Variants in RALYL observed in about 807,000 individuals in gnomAD.
RALYL encodes RALY RNA binding protein like.
A neutral mutation model predicts 35.1 loss-of-function variants in RALYL; 29 were observed. The ratio of observed to expected loss-of-function variants is 0.83; its 90% CI spans 0.61 to 1.13. The LOEUF is 1.13. Ranked by LOEUF, RALYL falls within the 50% of genes most tolerant of loss-of-function variation. The pLI is 0.00. For missense variants in RALYL, 359 were observed against 360.4 expected (o/e 1.00, Z 0.03); for synonymous variants, 120 against 127.6 (o/e 0.94, Z 0.40).
chr8:84,590,877 C>T (rs1443649828), intron 2 of RALYL, among the ~76,000 whole-genome samples: 2 of 151,926 alleles, frequency 1.3e-5, no homozygotes, highest in Non-Finnish European at 1.5e-5. Flanking sequence ...TTTTTTTTCA[C>T]TTATGTAACC....
intron 1 of RALYL, among the ~76,000 whole-genome samples, chr8:84,322,965 T>C (rs985094051): frequency 1.3e-5 from 2 of 152,088 alleles, no homozygotes; most frequent in African/African-American, 4.8e-5. Context: ...CACAAGTATA[T>C]ATTATTCTTG....
At chr8:84,303,272 G>C (rs1193915668) in intron 1 of RALYL, among the ~76,000 whole-genome samples, 1 of 152,202 alleles carries the variant, frequency 6.6e-6, no homozygotes, top group Non-Finnish European at 1.5e-5. Flanking sequence ...GTATTTCGGT[G>C]AGTTGGATAA....
intron 8 of RALYL, among the ~76,000 whole-genome samples, chr8:84,892,593 G>C (rs1844045225): frequency 1.4e-5 from 2 of 143,970 alleles, no homozygotes; most frequent in South Asian, 4.3e-4. Flanking sequence ...CTGGGCAACA[G>C]AGCAAAAACT....
chr8:84,423,701 C>A (rs1397841289), intron 1 of RALYL, among the ~76,000 whole-genome samples: 1 of 151,622 alleles, frequency 6.6e-6, no homozygotes, highest in Non-Finnish European at 1.5e-5. Context: ...TTGTTCCTTT[C>A]CATGTTTAGT....
intron 8 of RALYL, among the ~76,000 whole-genome samples, chr8:84,903,521 C>T (rs1846028504): frequency 6.6e-6 from 1 of 152,138 alleles, no homozygotes; most frequent in Admixed American, 6.5e-5. Context: ...ACTGAACACA[C>T]ACACATATGA....
chr8:84,552,487 A>T (rs951643824), intron 2 of RALYL, among the ~76,000 whole-genome samples: 2 of 149,010 alleles, frequency 1.3e-5, no homozygotes, highest in Non-Finnish European at 3.0e-5. Context: ...TCATATACAC[A>T]CTTATTGCTT....
At chr8:84,623,896 C>T (rs951700706) in intron 2 of RALYL, among the ~76,000 whole-genome samples, 6 of 152,134 alleles carry the variant, frequency 3.9e-5, no homozygotes, top group East Asian at 1.9e-4. Context: ...CCATCATGAA[C>T]GTGGAAAGTC....
rs534046817 is a variant in RALYL, at chr8:84,525,217, A to C, written c.-23-4082A>C. 3.3e-5 allele frequency among the ~76,000 whole-genome samples: 5 copies of C among 152,086 alleles called. No homozygotes were observed. The South Asian group carries it at 1.0e-3, about 32-fold the overall frequency. On this transcript the variant is annotated intron_variant, in intron 1 of 8. Coordinates refer to ENST00000521268, the MANE Select transcript of RALYL (RefSeq NM_173848.7). ...TAGTTTACAGTTTATCTTTTATTTT[A>C]CAGGAGTTTTCATAGATAGACACTT...
At chr8:84,438,863 TGTCA>T (rs2048023981) in intron 1 of RALYL, among the ~76,000 whole-genome samples, 2 of 152,166 alleles carry the variant, frequency 1.3e-5, no homozygotes, top group Admixed American at 1.3e-4. Flanking sequence ...TGCTTGTTTT[TGTCA>T]GTTTCGTCAA....
chr8:84,307,077 G>C (rs894764632), intron 1 of RALYL, among the ~76,000 whole-genome samples: 5 of 152,120 alleles, frequency 3.3e-5, no homozygotes, highest in Non-Finnish European at 7.4e-5. Flanking sequence ...AGGCTTGAGG[G>C]TTCCAGTGGT....
At chr8:84,430,869 T>C (rs1470741778) in intron 1 of RALYL, among the ~76,000 whole-genome samples, 1 of 152,142 alleles carries the variant, frequency 6.6e-6, no homozygotes, top group Non-Finnish European at 1.5e-5. Flanking sequence ...TTCTCACTGC[T>C]TATTTAGATG....
At chr8:84,218,774 C>G (rs922327088) in intron 1 of RALYL, among the ~76,000 whole-genome samples, 1 of 151,974 alleles carries the variant, frequency 6.6e-6, no homozygotes, top group Non-Finnish European at 1.5e-5. Context: ...TTTCCAAAGC[C>G]CTGAGGGCAT....
chr8:84,450,650 A>G (rs1382269120), intron 1 of RALYL, among the ~76,000 whole-genome samples: 1 of 152,044 alleles, frequency 6.6e-6, no homozygotes, highest in Non-Finnish European at 1.5e-5. Context: ...GAAGACCTAT[A>G]AAAGAGCAAA....
intron 1 of RALYL, among the ~76,000 whole-genome samples, chr8:84,468,541 G>C (rs1428461603): frequency 6.7e-6 from 1 of 148,962 alleles, no homozygotes; most frequent in Admixed American, 6.8e-5. Flanking sequence ...TTCCCTTTGA[G>C]GGTAACCCGA....
chr8:84,280,838 G>A (rs918758857), intron 1 of RALYL, among the ~76,000 whole-genome samples: 8 of 151,764 alleles, frequency 5.3e-5, no homozygotes, highest in East Asian at 1.9e-4. Context: ...TGATTAGTCC[G>A]TGTGAAAATA....
intron 7 of RALYL, among the ~76,000 whole-genome samples, chr8:84,881,544 A>C (rs1015227641): frequency 6.6e-6 from 1 of 152,012 alleles, no homozygotes; most frequent in Non-Finnish European, 1.5e-5. Context: ...ATTTAATAAA[A>C]ACACTTTGAA....
intron 2 of RALYL, among the ~76,000 whole-genome samples, chr8:84,751,720 C>T (rs1157820035): frequency 6.6e-6 from 1 of 152,096 alleles, no homozygotes; most frequent in African/African-American, 2.4e-5. Context: ...CAACCTTCCT[C>T]CTGCCTGGCC....
At chr8:84,906,959 C>T (rs1032979938) in intron 8 of RALYL, 15 of 985,212 alleles carry the variant, frequency 1.5e-5, no homozygotes, top group East Asian at 2.3e-4. Context: ...TCACAAGCTC[C>T]GGGGTTGCCT....
intron 2 of RALYL, among the ~76,000 whole-genome samples, chr8:84,714,681 A>G (rs1195828671): frequency 2.0e-5 from 3 of 151,868 alleles, no homozygotes; most frequent in Non-Finnish European, 4.4e-5. Context: ...AAAAACCATG[A>G]TCTGTCATAA....
Sources: gnomAD v4.1 joint callset for allele counts (sites outside exome capture counted in the v4.1 genomes callset) on GRCh38, gnomAD v4.1.1 for gene constraint, MANE v1.5 for transcripts, NCBI Gene and HGNC (gene_info 2026-07-23, HGNC 2026-07-21) for gene names.